Variants in NPFFR1 observed in about 807,000 individuals in gnomAD.
The protein encoded by NPFFR1 is G-protein coupled receptor 147.
In NPFFR1, 17 loss-of-function variants were observed where a neutral mutation model predicts 12.7. The observed-to-expected ratio is 1.34, with a 90% CI of 0.92 to 2.01. NPFFR1 has a LOEUF of 2.01. Among genes scored for constraint, NPFFR1 ranks in the 30% most tolerant of loss-of-function variants. The probability of loss-of-function intolerance (pLI) is 0.00; values close to 1 mark genes in which losing one functional copy is unlikely to be tolerated. For missense variants in NPFFR1, 604 were observed against 606.5 expected (o/e 1.00, Z 0.04); for synonymous variants, 296 against 264.5 (o/e 1.12, Z -1.16).
At chr10:70,264,303 G>A (rs868089836) in intron 2 of NPFFR1, among the ~76,000 whole-genome samples, 3 of 149,788 alleles carry the variant, frequency 2.0e-5, no homozygotes, top group African/African-American at 7.4e-5. Flanking sequence ...CAACCTGGGA[G>A]GCGGAGGTTG....
intron 1 of NPFFR1, among the ~76,000 whole-genome samples, chr10:70,279,313 A>G (rs949810431): frequency 6.6e-6 from 1 of 151,996 alleles, no homozygotes; most frequent in Non-Finnish European, 1.5e-5. Context: ...CACCCGGCTA[A>G]TTTTTGTATT....
intron 1 of NPFFR1, among the ~76,000 whole-genome samples, chr10:70,282,154 G>A (rs2136813814): frequency 6.6e-6 from 1 of 152,250 alleles, no homozygotes; most frequent in Admixed American, 6.5e-5. Context: ...GGGCTTCAAT[G>A]AGTGAGCTCA....
At chr10:70,282,807 G>A (rs986200764) in intron 1 of NPFFR1, among the ~76,000 whole-genome samples, 1 of 152,082 alleles carries the variant, frequency 6.6e-6, no homozygotes, top group African/African-American at 2.4e-5. Flanking sequence ...GCCTAAATAT[G>A]GTTCCCCTTG....
chr10:70,283,343 G>GTCTC (rs35152338), intron 1 of NPFFR1, among the ~76,000 whole-genome samples: 1 of 146,886 alleles, frequency 6.8e-6, no homozygotes, highest in African/African-American at 2.5e-5. Context: ...CTCTGTCTCT[G>GTCTC]TCTCTCTCTC....
chr10:70,253,381 G>A lies in NPFFR1; in HGVS notation c.*1576C>T. On this transcript the variant is annotated 3_prime_UTR_variant, in exon 4 of 4. Coordinates refer to ENST00000277942, the MANE Select transcript of NPFFR1 (RefSeq NM_022146.5). Reference sequence around the variant, plus strand: ...CACCTTCCTTGAAAGGCAGCATGTGGGGTGGGAAGAACAATCAGAAGACAA... The same window carrying A: ...CACCTTCCTTGAAAGGCAGCATGTGAGGTGGGAAGAACAATCAGAAGACAA... 6.6e-6 allele frequency: 1 copy of A among 152,142 alleles called. No homozygotes were observed. The highest frequency in any genetic ancestry group is 2.1e-4 in the South Asian group (1 of 4,834). The allele number at this position is 152,142 out of a possible 1,614,324, so 9.4% of individuals were successfully genotyped here. A position where few individuals can be genotyped will look rare whatever the true frequency, so the allele number is the denominator to read the frequency against.
At position 70,255,457 on chromosome 10, in the gene NPFFR1, TGCGCCGCGATGCTC is replaced by T; in HGVS notation, c.779_792del (p.Arg260GlnfsTer122). On this transcript the variant is annotated frameshift_variant, in exon 4 of 4. Coordinates refer to ENST00000277942, the MANE Select transcript of NPFFR1 (RefSeq NM_022146.5). LOFTEE classifies it low-confidence loss of function (END_TRUNC). This position sits in a 1 kb window ranked among gnomAD's most constrained non-coding sequence, Gnocchi z 4.2. ...ACCAGCATGTGCACCACGCGCGCTC[TGCGCCGCGATGCTC>T]GCGGGTCCGCAGCCTCCTCGCCCCC... The T allele has an allele frequency of 6.5e-7, 1 of 1,547,980 alleles. No individual in the cohort carries two copies. The highest frequency in any genetic ancestry group is 8.7e-7 in the Non-Finnish European group (1 of 1,146,224).
chr10:70,283,657 C>A lies in NPFFR1; in HGVS notation c.7+13G>T. The A allele has an allele frequency of 3.3e-6, 5 of 1,535,360 alleles. No individual in the cohort carries two copies. Among genetic ancestry groups the A allele is most frequent in the Non-Finnish European group, 4.4e-6 (5 of 1,146,384 alleles). ...CTGCCCCACGGCTGGCCCCCAGCCCCAGGACCACTCACCCTCCATGATGCC... is the reference window on the plus strand; with the variant it reads ...CTGCCCCACGGCTGGCCCCCAGCCCAAGGACCACTCACCCTCCATGATGCC... On this transcript the variant is annotated intron_variant, in intron 1 of 3. Transcript: ENST00000277942.
intron 2 of NPFFR1, 110 bp from the exon 3 acceptor site, chr10:70,260,849 C>T (rs1202166012): frequency 4.5e-6 from 4 of 893,214 alleles, no homozygotes; most frequent in Non-Finnish European, 7.2e-6. Context: ...TCCTCCATGA[C>T]CTGCTAGGTG....
At position 70,248,467 on chromosome 10, in the gene NPFFR1, GTTTTTTTTTTGTTTTTTGTTTT is replaced by G. The variant is rs749084556; in HGVS notation, c.*6468_*6489del. The G allele has an allele frequency of 5.2e-5, 5 of 96,742 alleles. No individual in the cohort carries two copies. Among genetic ancestry groups the G allele is most frequent in the African/African-American group, 8.1e-5 (2 of 24,706 alleles). 6.0% of individuals were successfully genotyped at this position (96,742 alleles called of 1,614,324 possible). A position where few individuals can be genotyped will look rare whatever the true frequency, so the allele number is the denominator to read the frequency against. On this transcript the variant is annotated 3_prime_UTR_variant, in exon 4 of 4. Transcript: ENST00000277942. ...CAAAGTACGTAGTACTATGCCTGGC[GTTTTTTTTTTGTTTTTTGTTTT>G]TTTTTTTTTTTTTTGAGATGGAGTC...
intron 2 of NPFFR1, among the ~76,000 whole-genome samples, chr10:70,261,950 T>A (rs763076855): frequency 2.0e-5 from 3 of 152,210 alleles, no homozygotes; most frequent in Non-Finnish European, 2.9e-5. Flanking sequence ...AAGCAAAGTA[T>A]AAAGACTATC....
chr10:70,274,309 C>T (rs953826001), intron 1 of NPFFR1, among the ~76,000 whole-genome samples: 4 of 152,084 alleles, frequency 2.6e-5, no homozygotes, highest in Non-Finnish European at 4.4e-5. Flanking sequence ...ATTAGCCGGG[C>T]GTGGTGGCAC....
At chr10:70,261,888 C>T (rs1840639794) in intron 2 of NPFFR1, among the ~76,000 whole-genome samples, 2 of 152,224 alleles carry the variant, frequency 1.3e-5, no homozygotes, top group African/African-American at 4.8e-5. Context: ...TCAAACCATT[C>T]TCCTGCCTCA....
intron 1 of NPFFR1, among the ~76,000 whole-genome samples, chr10:70,275,901 C>T (rs1469915620): frequency 6.6e-6 from 1 of 152,128 alleles, no homozygotes; most frequent in South Asian, 2.1e-4. Context: ...AAGAGACTTG[C>T]TCTAAGAATA....
At position 70,255,513 on chromosome 10, in the gene NPFFR1, G is replaced by A. The variant is rs1475493064; in HGVS notation, c.737C>T (p.Ala246Val). 4 of 1,548,164 alleles carry A rather than the reference G, an allele frequency of 2.6e-6. No individual in the cohort carries two copies. The highest frequency in any genetic ancestry group is 3.5e-6 in the Non-Finnish European group (4 of 1,145,616). ...YARIARKLCQAPGPAPGGEEA... is the reference protein window; with the variant it reads ...YARIARKLCQVPGPAPGGEEA... Reference sequence around the variant, plus strand: ...CTCGCCCCCGGGGGCCGGGCCCGGGGCCTGGCAGAGCTTGCGCGCGATGCG... The same window carrying A: ...CTCGCCCCCGGGGGCCGGGCCCGGGACCTGGCAGAGCTTGCGCGCGATGCG... Residue 246 changes from alanine (A) to valine (V), a missense_variant, in exon 4 of 4, where the codon GCC becomes GTC. Coordinates refer to ENST00000277942, the MANE Select transcript of NPFFR1 (RefSeq NM_022146.5). The surrounding 1 kb of genome is among the most constrained non-coding windows in gnomAD (Gnocchi z 4.2).
rs1840488481 is a variant in NPFFR1 at position 70,249,518 on chromosome 10, T to G, written c.*5439A>C. ...TATTATTTGAGATGGAATCTCACTC[T>G]GTCACCTAGGCTGGAGTGCAGTGGC... On this transcript the variant is annotated 3_prime_UTR_variant, in exon 4 of 4. Coordinates refer to ENST00000277942, the MANE Select transcript of NPFFR1 (RefSeq NM_022146.5). The G allele has an allele frequency of 6.6e-6, 1 of 152,114 alleles. No individual in the cohort carries two copies. Among genetic ancestry groups the G allele is most frequent in the South Asian group, 2.1e-4 (1 of 4,828 alleles). The allele number at this position is 152,114 out of a possible 1,614,324, so 9.4% of individuals were successfully genotyped here. A position where few individuals can be genotyped will look rare whatever the true frequency, so the allele number is the denominator to read the frequency against.
rs967617624 is a variant in NPFFR1, at chr10:70,250,972, C to T, written c.*3985G>A. ...TAGGATTTTGGGTGCTTTTCATTTT[C>T]TTGTCTTTGCTTATTGAAATCTTGT... On this transcript the variant is annotated 3_prime_UTR_variant, in exon 4 of 4. Coordinates refer to ENST00000277942, the MANE Select transcript of NPFFR1 (RefSeq NM_022146.5). The T allele has an allele frequency of 6.6e-6, 1 of 152,120 alleles. No individual in the cohort carries two copies. Among genetic ancestry groups the T allele is most frequent in the South Asian group, 2.1e-4 (1 of 4,830 alleles). 9.4% of individuals were successfully genotyped at this position (152,120 alleles called of 1,614,324 possible).
intron 1 of NPFFR1, among the ~76,000 whole-genome samples, chr10:70,276,470 C>A (rs1396589935): frequency 1.3e-5 from 2 of 151,726 alleles, no homozygotes; most frequent in African/African-American, 4.8e-5. Flanking sequence ...CAAAAGGAGT[C>A]AGACATTAAA....
intron 1 of NPFFR1, among the ~76,000 whole-genome samples, chr10:70,276,433 C>T (rs1840805191): frequency 6.6e-6 from 1 of 152,154 alleles, no homozygotes; most frequent in Admixed American, 6.5e-5. Context: ...TAACAAAGCG[C>T]TGTGTCTCTT....
In NPFFR1 at chr10:70,255,670, G is replaced by C. The variant is rs1230077432; in HGVS notation, c.580C>G (p.Arg194Gly). 1.2e-6 allele frequency: 2 copies of C among 1,601,132 alleles called. No individual in the cohort carries two copies. Among genetic ancestry groups the C allele is most frequent in the Non-Finnish European group, 1.7e-6 (2 of 1,174,374 alleles). Residue 194 changes from arginine to glycine, a missense_variant, in exon 4 of 4, where the codon CGC becomes GGC. Transcript: ENST00000277942. This position sits in a 1 kb window ranked among gnomAD's most constrained non-coding sequence, Gnocchi z 4.2. Reference sequence around the variant, plus strand: ...GAGTAGAGCGGGTAGGAGCGGTTGCGGGCGTCCACCATGAAGTGGTGCTCC... The same window carrying C: ...GAGTAGAGCGGGTAGGAGCGGTTGCCGGCGTCCACCATGAAGTGGTGCTCC... ...REEHHFMVDARNRSYPLYSCW... is the reference protein window; with the variant it reads ...REEHHFMVDAGNRSYPLYSCW...
Sources: gnomAD v4.1 joint callset for allele counts (sites outside exome capture counted in the v4.1 genomes callset) on GRCh38, gnomAD v4.1.1 for gene constraint, Gnocchi (gnomAD v3.1) non-coding constraint, MANE v1.5 for transcripts, NCBI Gene and HGNC (gene_info 2026-07-23, HGNC 2026-07-21) for gene names.